Variants in GLS observed in about 807,000 individuals in gnomAD.
GLS encodes glutaminase kidney isoform, mitochondrial.
In GLS, 36 loss-of-function variants were observed where a neutral mutation model predicts 86.7. That is an observed-to-expected ratio of 0.42 (90% CI 0.32 to 0.55). GLS has a LOEUF of 0.55. Among genes scored for constraint, GLS ranks in the 20% least tolerant of loss-of-function variants. The pLI, the probability that GLS is intolerant of heterozygous loss-of-function variation, is 0.17. For synonymous variants in GLS, 317 were observed against 305.9 expected (o/e 1.04, Z -0.38); for missense variants, 528 against 833.4 (o/e 0.63, Z 4.51).
At chr2:190,927,880 T>A (rs1266791119) in intron 12 of GLS, 1 of 158,016 alleles carries the variant, frequency 6.3e-6, no homozygotes, top group African/African-American at 2.4e-5. Context: ...TAAAAGTGTA[T>A]TAAAGTTAAA....
rs1488420950 is a variant in GLS, at chr2:190,930,605, A to G, written c.1557+37A>G. On this transcript the variant is annotated intron_variant, in intron 13 of 17. Coordinates refer to ENST00000320717, the MANE Select transcript of GLS (RefSeq NM_014905.5). The surrounding 1 kb of genome is among the most constrained non-coding windows in gnomAD (Gnocchi z 5.0). ...TTCTTAATGTAAATAATGGTGTTAC[A>G]AGTTGAGCCATCCAATGATTCTTTT... The G allele has an allele frequency of 1.1e-5, 17 of 1,571,474 alleles. 1 individual carries two copies. In the Admixed American group the frequency reaches 3.1e-4, roughly 29 times the overall value.
intron 14 of GLS, chr2:190,934,946 C>A: frequency 1.0e-6 from 1 of 968,382 alleles, no homozygotes; most frequent in Non-Finnish European, 1.2e-6. Context: ...TATTTTGATT[C>A]TTTCAGTATT....
Position 190,880,915 on chromosome 2 carries a change from G to GCAGCAGCAGCAGCAC in GLS, c.-165_-164insGCAGCAGCACCAGCA, listed in dbSNP as rs1398192717. 24 of 916,932 alleles carry GCAGCAGCAGCAGCAC rather than the reference G, an allele frequency of 2.6e-5. 4 individuals carry two copies. The highest frequency in any genetic ancestry group is 3.8e-5 in the Non-Finnish European group (23 of 607,618). The allele number at this position is 916,932 out of a possible 1,614,324, so 56.8% of individuals were successfully genotyped here. A position where few individuals can be genotyped will look rare whatever the true frequency, so the allele number is the denominator to read the frequency against. On this transcript the variant is annotated 5_prime_UTR_variant, in exon 1 of 18. Coordinates refer to ENST00000320717, the MANE Select transcript of GLS (RefSeq NM_014905.5). Reference sequence around the variant, plus strand: ...AGCAGCAGCAGCAGCAGCAGCAGCAGCAGCACCCGCATCCGCTGCGGGAGT... The same window carrying GCAGCAGCAGCAGCAC: ...AGCAGCAGCAGCAGCAGCAGCAGCAGCAGCAGCAGCAGCACCAGCACCCGCATCCGCTGCGGGAGT...
intron 1 of GLS, among the ~76,000 whole-genome samples, chr2:190,888,409 TAG>T (rs1218081372): frequency 6.6e-6 from 1 of 152,196 alleles, no homozygotes; most frequent in African/African-American, 2.4e-5. Flanking sequence ...TTGTAATCAA[TAG>T]AGTTTAACAT....
Position 190,905,590 on chromosome 2 carries a change from C to T in GLS, c.979+423C>T, listed in dbSNP as rs1689107756. 6.6e-6 allele frequency among the ~76,000 whole-genome samples: 1 copy of T among 151,848 alleles called. No homozygotes were observed. Among genetic ancestry groups the T allele is most frequent in the South Asian group, 2.1e-4 (1 of 4,812 alleles). ...AGTAGTTGAAAGTTTTATTGTGGCC[C>T]TGGTTGAGATAGTGAGGATTATTAT... On this transcript the variant is annotated intron_variant, in intron 6 of 17. Transcript: ENST00000320717. This position sits in a 1 kb window ranked among gnomAD's most constrained non-coding sequence, Gnocchi z 4.6.
At chr2:190,906,490 C>A (rs1272429530) in intron 6 of GLS, among the ~76,000 whole-genome samples, 1 of 152,092 alleles carries the variant, frequency 6.6e-6, no homozygotes, top group Non-Finnish European at 1.5e-5. Context: ...ATTATTGATA[C>A]TGTATTCTAT....
rs1034821803 is a variant in GLS, at chr2:190,934,946, C to G, written c.1650+3309C>G. 6.2e-6 allele frequency: 6 copies of G among 968,266 alleles called. No individual in the cohort carries two copies. In the African/African-American group the frequency reaches 1.1e-4, roughly 17 times the overall value. 60.0% of individuals were successfully genotyped at this position (968,266 alleles called of 1,614,324 possible). On this transcript the variant is annotated intron_variant, in intron 14 of 17. Transcript: ENST00000320717. ...CCAGTTTTAAGGACATATTTTGATT[C>G]TTTCAGTATTCTTAACACCTTTTTA...
At chr2:190,888,066 C>T (rs188839846) in intron 1 of GLS, among the ~76,000 whole-genome samples, 37 of 152,118 alleles carry the variant, frequency 2.4e-4, no homozygotes, top group South Asian at 6.2e-4. Context: ...TTTAAGATTT[C>T]CCCCCCATTA....
rs1689475863 is a variant in GLS at position 190,914,836 on chromosome 2, A to G, written c.1038+4515A>G. Among the ~76,000 whole-genome samples, 1 of 152,176 alleles carries G rather than the reference A, an allele frequency of 6.6e-6. No individual in the cohort carries two copies. Among genetic ancestry groups the G allele is most frequent in the African/African-American group, 2.4e-5 (1 of 41,434 alleles). ...GTGTTTTTCACCTGTTATAAAGTAT[A>G]ATACATGAATCAATTCATAAATATG... is the stretch of plus-strand genomic sequence containing the variant. On this transcript the variant is annotated intron_variant, in intron 7 of 17. Coordinates refer to ENST00000320717, the MANE Select transcript of GLS (RefSeq NM_014905.5). The surrounding 1 kb of genome is among the most constrained non-coding windows in gnomAD (Gnocchi z 4.4).
intron 5 of GLS, 28 bp downstream of exon 5, chr2:190,902,054 C>G (rs371550331): frequency 7.0e-6 from 9 of 1,294,286 alleles, no homozygotes; most frequent in Admixed American, 5.0e-5. Context: ...TCATGAAAAC[C>G]AACTCTAAGC....
rs868427213 is a variant in GLS at position 190,893,118 on chromosome 2, C to T, written c.387-2034C>T. 3.3e-5 allele frequency among the ~76,000 whole-genome samples: 5 copies of T among 152,132 alleles called. 1 individual carries two copies. The highest frequency in any genetic ancestry group is 9.7e-5 in the African/African-American group (4 of 41,418). ...CTGTAAATAATTGGTATGTTATTAT[C>T]CACTGATTTTTTGACAGCTGGTTCA... On this transcript the variant is annotated intron_variant, in intron 1 of 17. Transcript: ENST00000320717.
intron 17 of GLS, among the ~76,000 whole-genome samples, chr2:190,960,698 G>C (rs1466040191): frequency 6.6e-6 from 1 of 151,980 alleles, no homozygotes; most frequent in African/African-American, 2.4e-5. Flanking sequence ...TAAAATTAGG[G>C]CTTGGGTTTT....
rs1465346389 is a variant in GLS, at chr2:190,895,302, T to G, written c.483+54T>G. 1.4e-6 allele frequency: 1 copy of G among 701,616 alleles called. No homozygotes were observed. The highest frequency in any genetic ancestry group is 2.5e-6 in the Non-Finnish European group (1 of 401,378). The allele number at this position is 701,616 out of a possible 1,614,324, so 43.5% of individuals were successfully genotyped here. A position where few individuals can be genotyped will look rare whatever the true frequency, so the allele number is the denominator to read the frequency against. ...TTAAAAAAATCAATAATAATAAATATATACAGTATTATTGAAATATAGTCT... is the reference window on the plus strand; with the variant it reads ...TTAAAAAAATCAATAATAATAAATAGATACAGTATTATTGAAATATAGTCT... On this transcript the variant is annotated intron_variant, in intron 2 of 17. Coordinates refer to ENST00000320717, the MANE Select transcript of GLS (RefSeq NM_014905.5). This position sits in a 1 kb window ranked among gnomAD's most constrained non-coding sequence, Gnocchi z 4.2.
intron 3 of GLS, among the ~76,000 whole-genome samples, chr2:190,898,838 G>A (rs191304507): frequency 1.2e-3 from 186 of 152,248 alleles, no homozygotes; most frequent in African/African-American, 4.2e-3. Context: ...TCCATGTTGA[G>A]GCTGGTCTCG....
chr2:190,945,863 A>G (rs1194692397), intron 14 of GLS, among the ~76,000 whole-genome samples: 3 of 152,132 alleles, frequency 2.0e-5, no homozygotes, highest in Non-Finnish European at 4.4e-5. Context: ...TGAAATTACT[A>G]TATGAGAACC....
Position 190,901,162 on chromosome 2 carries a change from C to T in GLS, c.735+469C>T, listed in dbSNP as rs1251235141. Among the ~76,000 whole-genome samples, 136 of 152,124 alleles carry T rather than the reference C, an allele frequency of 8.9e-4. 1 individual carries two copies. The highest frequency in any genetic ancestry group is 1.9e-4 in the Non-Finnish European group (13 of 67,920). On this transcript the variant is annotated intron_variant, in intron 4 of 17. Coordinates refer to ENST00000320717, the MANE Select transcript of GLS (RefSeq NM_014905.5). ...GCAGGGGTTAGGGATGCCAAACCCA[C>T]ACGCAGTCAAAAATCTGAGTATAAC...
intron 11 of GLS, among the ~76,000 whole-genome samples, chr2:190,926,193 C>T (rs966598596): frequency 6.6e-6 from 1 of 152,086 alleles, no homozygotes; most frequent in African/African-American, 2.4e-5. Context: ...TTATGACAAA[C>T]AAAATTCCAA....
chr2:190,922,275 T>C (rs749546048), intron 9 of GLS, among the ~76,000 whole-genome samples: 8 of 152,182 alleles, frequency 5.3e-5, no homozygotes, highest in Non-Finnish European at 1.0e-4. Context: ...AACACTATAA[T>C]GTTAAACGTT....
Position 190,963,892 on chromosome 2 carries a change from C to G in GLS, c.*906C>G, listed in dbSNP as rs115096030. On this transcript the variant is annotated 3_prime_UTR_variant, in exon 18 of 18. Coordinates refer to ENST00000320717, the MANE Select transcript of GLS (RefSeq NM_014905.5). ...AAAACGAAGGGATGTGCAACTGCAG[C>G]TCTTTAAGAAGTTTTTTTTTTTTAG... is the stretch of plus-strand genomic sequence containing the variant. 1.3e-3 allele frequency: 195 copies of G among 151,936 alleles called. No homozygotes were observed. Among genetic ancestry groups the G allele is most frequent in the African/African-American group, 4.1e-3 (171 of 41,364 alleles). The allele number at this position is 151,936 out of a possible 1,614,324, so 9.4% of individuals were successfully genotyped here. A position where few individuals can be genotyped will look rare whatever the true frequency, so the allele number is the denominator to read the frequency against.
Sources: gnomAD v4.1 joint callset for allele counts (sites outside exome capture counted in the v4.1 genomes callset) on GRCh38, gnomAD v4.1.1 for gene constraint, Gnocchi (gnomAD v3.1) non-coding constraint, MANE v1.5 for transcripts, NCBI Gene and HGNC (gene_info 2026-07-23, HGNC 2026-07-21) for gene names.